Variants in LNPEP observed in about 807,000 individuals in gnomAD.
The protein encoded by LNPEP is leucyl-cystinyl aminopeptidase.
LNPEP carries 64 observed loss-of-function variants against 120.6 expected under a neutral mutation model. That is an observed-to-expected ratio of 0.53 (90% CI 0.43 to 0.65). The LOEUF (loss-of-function observed/expected upper bound fraction) is 0.65, where lower values mean the gene tolerates loss of function less well. LNPEP is among the 30% of genes least tolerant of loss of function. The pLI, the probability that LNPEP is intolerant of heterozygous loss-of-function variation, is 0.00. For synonymous variants in LNPEP, 435 were observed against 425.4 expected (o/e 1.02, Z -0.28); for missense variants, 1,057 against 1,200.0 (o/e 0.88, Z 1.76).
At chr5:97,009,296 T>G (rs558858788) in intron 11 of LNPEP, among the ~76,000 whole-genome samples, 13 of 152,130 alleles carry the variant, frequency 8.5e-5, no homozygotes, top group African/African-American at 2.9e-4. Flanking sequence ...TTTAATAACA[T>G]TCTCTACTTC....
chr5:97,026,418 C>G (rs541811299), intron 15 of LNPEP, among the ~76,000 whole-genome samples, 199 bp from the exon 16 acceptor site: 1 of 152,002 alleles, frequency 6.6e-6, no homozygotes, highest in African/African-American at 2.4e-5. Flanking sequence ...AGGTAAATGC[C>G]TATTTTATTG....
At chr5:96,952,484 T>A (rs1276248707) in intron 1 of LNPEP, among the ~76,000 whole-genome samples, 1 of 152,180 alleles carries the variant, frequency 6.6e-6, no homozygotes, top group Non-Finnish European at 1.5e-5. Flanking sequence ...AGGAATAGTT[T>A]AGGAGTCCAC....
chr5:96,981,071 A>G (rs935151742), intron 2 of LNPEP, among the ~76,000 whole-genome samples: 1 of 152,196 alleles, frequency 6.6e-6, no homozygotes. Context: ...TTCTCCTTCT[A>G]TAATGCCTAT....
chr5:96,957,329 G>C (rs752768129), intron 1 of LNPEP, among the ~76,000 whole-genome samples: 9 of 152,188 alleles, frequency 5.9e-5, no homozygotes, highest in Non-Finnish European at 1.0e-4. Flanking sequence ...TCCAATGTTA[G>C]TTTAGTTCTC....
At chr5:97,022,562 A>C in intron 14 of LNPEP, 78 bp downstream of exon 14, 12 of 1,143,038 alleles carry the variant, frequency 1.0e-5, no homozygotes, top group Non-Finnish European at 1.5e-5. Context: ...GGGTATTCTC[A>C]TCCTGGATCA....
chr5:96,985,326 A>G, intron 3 of LNPEP, 108 bp downstream of exon 3: 2 of 862,256 alleles, frequency 2.3e-6, no homozygotes, highest in African/African-American at 1.7e-5. Flanking sequence ...AAAATCATAT[A>G]CATTAATATT....
chr5:96,955,630 A>G (rs1789450218), intron 1 of LNPEP, among the ~76,000 whole-genome samples: 1 of 152,244 alleles, frequency 6.6e-6, no homozygotes, highest in Admixed American at 6.5e-5. Flanking sequence ...AAAAAGAAAA[A>G]GAAAAAAATT....
chr5:96,994,190 G>A (rs528126850), intron 6 of LNPEP, among the ~76,000 whole-genome samples: 6 of 151,952 alleles, frequency 3.9e-5, no homozygotes, highest in African/African-American at 1.4e-4. Flanking sequence ...GTCTTACTTC[G>A]CAACTTCTCT....
intron 14 of LNPEP, among the ~76,000 whole-genome samples, chr5:97,022,887 G>A (rs1283428930): frequency 1.4e-5 from 2 of 147,268 alleles, no homozygotes; most frequent in Non-Finnish European, 1.5e-5. Context: ...AACATGCGGT[G>A]TCAAACAAGA....
At chr5:97,027,448 T>C (rs555658339) in intron 16 of LNPEP, among the ~76,000 whole-genome samples, 1 of 152,316 alleles carries the variant, frequency 6.6e-6, no homozygotes, top group South Asian at 2.1e-4. Flanking sequence ...TTTTTGCTTC[T>C]TTCTCTCTTT....
At chr5:97,028,058 A>G (rs1791389067) in intron 17 of LNPEP, among the ~76,000 whole-genome samples, 1 of 152,240 alleles carries the variant, frequency 6.6e-6, no homozygotes, top group Non-Finnish European at 1.5e-5. Context: ...TTAAGTGGTC[A>G]TAAAATTGTT....
chr5:96,999,745 C>T (rs1790601064), intron 8 of LNPEP, among the ~76,000 whole-genome samples: 2 of 151,936 alleles, frequency 1.3e-5, no homozygotes, highest in Admixed American at 1.3e-4. Flanking sequence ...ATGTAGTTTC[C>T]ATATCATTGT....
intron 11 of LNPEP, among the ~76,000 whole-genome samples, chr5:97,008,851 A>T (rs563533517): frequency 5.3e-4 from 81 of 151,678 alleles, no homozygotes; most frequent in Middle Eastern, 3.4e-3. Context: ...TTTTTAGTAG[A>T]GACGGGGTTT....
chr5:96,999,991 TACTA>T (rs1259635960), intron 8 of LNPEP, among the ~76,000 whole-genome samples: 1 of 152,154 alleles, frequency 6.6e-6, no homozygotes, highest in Non-Finnish European at 1.5e-5. Context: ...ATCTTACAAA[TACTA>T]ACCATATACC....
chr5:96,981,536 C>T (rs1790123807), intron 2 of LNPEP, among the ~76,000 whole-genome samples: 1 of 152,176 alleles, frequency 6.6e-6, no homozygotes, highest in Non-Finnish European at 1.5e-5. Flanking sequence ...TCACCTTACT[C>T]TGCTGTATTT....
intron 4 of LNPEP, among the ~76,000 whole-genome samples, chr5:96,992,177 C>T (rs1790404854): frequency 6.6e-6 from 1 of 152,052 alleles, no homozygotes. Flanking sequence ...AGAGAGTGAG[C>T]AAGAATTGCA....
At chr5:96,940,266 T>A (rs960602244) in intron 1 of LNPEP, among the ~76,000 whole-genome samples, 1 of 152,290 alleles carries the variant, frequency 6.6e-6, no homozygotes, top group Admixed American at 6.5e-5. Context: ...CCGGTGATTA[T>A]CATTTATCTG....
At chr5:97,018,016 T>C (rs1191759255) in intron 13 of LNPEP, among the ~76,000 whole-genome samples, 4 of 152,104 alleles carry the variant, frequency 2.6e-5, no homozygotes, top group Admixed American at 1.3e-4. Flanking sequence ...CATTCTTAGA[T>C]TAAGGCCCAC....
At chr5:96,999,165 C>T (rs1354471666) in intron 8 of LNPEP, among the ~76,000 whole-genome samples, 2 of 152,052 alleles carry the variant, frequency 1.3e-5, no homozygotes, top group Non-Finnish European at 2.9e-5. Flanking sequence ...AGAGGAATGA[C>T]TTGATTAAAG....
Sources: allele counts gnomAD v4.1 joint callset (sites outside exome capture counted in the v4.1 genomes callset), GRCh38; gene constraint gnomAD v4.1.1; transcripts MANE v1.5; gene names NCBI Gene and HGNC (gene_info 2026-07-23, HGNC 2026-07-21).